The following ASH2L variants were observed in gnomAD, a reference collection of about 807,000 sequenced individuals.
ASH2L encodes the protein ASH2 like, histone lysine methyltransferase complex subunit, also known as set1/Ash2 histone methyltransferase complex subunit ASH2.
A neutral mutation model predicts 81.1 loss-of-function variants in ASH2L; 30 were observed. That is an observed-to-expected ratio of 0.37 (90% CI 0.28 to 0.50). The LOEUF is 0.50. Ranked by LOEUF, ASH2L falls within the 20% of genes least tolerant of loss-of-function variation. The pLI, the probability that ASH2L is intolerant of heterozygous loss-of-function variation, is 0.95. For missense variants in ASH2L, 559 were observed against 792.1 expected (o/e 0.71, Z 3.53); for synonymous variants, 273 against 279.9 (o/e 0.98, Z 0.24).
At chr8:38,116,072 G>T (rs997862714) in intron 7 of ASH2L, among the ~76,000 whole-genome samples, 4 of 151,736 alleles carry the variant, frequency 2.6e-5, no homozygotes, top group African/African-American at 9.7e-5. Flanking sequence ...AGTGAAAATA[G>T]AAAAATTAGG....
chr8:38,132,750 G>T (rs1283969375), intron 12 of ASH2L, among the ~76,000 whole-genome samples: 1 of 150,410 alleles, frequency 6.6e-6, no homozygotes. Flanking sequence ...AGTGAGCCAA[G>T]ATCACACCAC....
chr8:38,138,758 C>T, intron 14 of ASH2L, 58 bp from the exon 15 acceptor site: 2 of 1,516,346 alleles, frequency 1.3e-6, no homozygotes, highest in African/African-American at 2.7e-5. Flanking sequence ...GTCAAATTAA[C>T]TTTTCCAATA....
chr8:38,108,470 A>G (rs902050681), intron 3 of ASH2L, among the ~76,000 whole-genome samples: 1 of 152,136 alleles, frequency 6.6e-6, no homozygotes, highest in African/African-American at 2.4e-5. Context: ...ACTGAATTTC[A>G]AAAGTTATAT....
intron 3 of ASH2L, 29 bp from the exon 4 acceptor site, chr8:38,110,350 C>G: frequency 6.5e-7 from 1 of 1,540,848 alleles, no homozygotes; most frequent in Non-Finnish European, 9.0e-7. Flanking sequence ...CACAAGTTCA[C>G]TAATTCGTAT....
intron 3 of ASH2L, among the ~76,000 whole-genome samples, chr8:38,108,846 G>A (rs534265835): frequency 6.6e-6 from 1 of 152,200 alleles, no homozygotes; most frequent in African/African-American, 2.4e-5. Context: ...TTAGGAGGCC[G>A]AGACAGGAGA....
intron 14 of ASH2L, among the ~76,000 whole-genome samples, chr8:38,136,595 C>T (rs1011110180): frequency 2.0e-5 from 3 of 146,390 alleles, no homozygotes; most frequent in African/African-American, 5.1e-5. Context: ...GCCAACATGG[C>T]GAAACCCCGT....
intron 12 of ASH2L, among the ~76,000 whole-genome samples, 163 bp downstream of exon 12, chr8:38,129,114 A>G (rs1056829257): frequency 1.3e-5 from 2 of 152,176 alleles, no homozygotes; most frequent in African/African-American, 4.8e-5. Context: ...CGGTGCACAA[A>G]TAGTCATCCA....
At chr8:38,106,970 G>A (rs199633161) in intron 2 of ASH2L, 51 bp from the exon 3 acceptor site, 2 of 1,606,590 alleles carry the variant, frequency 1.2e-6, no homozygotes, top group Admixed American at 3.4e-5. Flanking sequence ...ATAAAATAAA[G>A]TAAAATACAT....
chr8:38,113,641 G>A (rs902735649), intron 5 of ASH2L, among the ~76,000 whole-genome samples: 4 of 152,184 alleles, frequency 2.6e-5, no homozygotes, highest in African/African-American at 4.8e-5. Flanking sequence ...AATTTATTTG[G>A]TGAGCATTTA....
intron 12 of ASH2L, among the ~76,000 whole-genome samples, chr8:38,130,833 G>A (rs1033307923): frequency 2.0e-5 from 3 of 152,076 alleles, no homozygotes; most frequent in Non-Finnish European, 4.4e-5. Flanking sequence ...TCCCGCCTCG[G>A]CCTCCCAAAG....
At chr8:38,106,315 G>A in intron 1 of ASH2L, 63 bp from the exon 2 acceptor site, 2 of 1,510,018 alleles carry the variant, frequency 1.3e-6, no homozygotes, top group Admixed American at 3.4e-5. Context: ...CATCATTTTT[G>A]GGAATAGGCA....
At chr8:38,132,127 G>C (rs1001749158) in intron 12 of ASH2L, among the ~76,000 whole-genome samples, 5 of 152,078 alleles carry the variant, frequency 3.3e-5, no homozygotes, top group African/African-American at 1.2e-4. Flanking sequence ...GATTACAAGC[G>C]TGAGCCACTG....
intron 8 of ASH2L, chr8:38,117,918 G>A (rs1352666508): frequency 6.6e-6 from 1 of 152,132 alleles, no homozygotes; most frequent in South Asian, 2.1e-4. Context: ...AATTAGCCAA[G>A]TGTGGTGGCA....
intron 9 of ASH2L, among the ~76,000 whole-genome samples, chr8:38,119,730 G>C (rs1343014103): frequency 2.0e-5 from 3 of 150,716 alleles, no homozygotes; most frequent in African/African-American, 7.3e-5. Flanking sequence ...GCTTGAACCT[G>C]GGAGGCGGGT....
At chr8:38,114,842 T>G in intron 6 of ASH2L, 63 bp from the exon 7 acceptor site, 1 of 1,085,320 alleles carries the variant, frequency 9.2e-7, no homozygotes, top group Non-Finnish European at 1.4e-6. Flanking sequence ...TAGTGGTTGA[T>G]TATTAATTCC....
chr8:38,133,087 C>CAAAAAAAAAAAAAAAA (rs1362506644), intron 12 of ASH2L, among the ~76,000 whole-genome samples: 1 of 113,464 alleles, frequency 8.8e-6, no homozygotes, highest in Non-Finnish European at 1.9e-5. Flanking sequence ...AACTCCGTCT[C>CAAAAAAAAAAAAAAAA]AAAAAAAAAA....
intron 5 of ASH2L, among the ~76,000 whole-genome samples, chr8:38,113,688 C>T (rs966162031): frequency 1.3e-5 from 2 of 152,198 alleles, no homozygotes; most frequent in Non-Finnish European, 2.9e-5. Flanking sequence ...AAGGACAACT[C>T]TTAATGTGTC....
chr8:38,105,934 C>T, intron 1 of ASH2L, 196 bp downstream of exon 1: 1 of 1,493,166 alleles, frequency 6.7e-7, no homozygotes, highest in South Asian at 1.3e-5. Flanking sequence ...CTTTCACGGG[C>T]GGTGGGAGCT....
At chr8:38,108,479 A>G (rs1219428952) in intron 3 of ASH2L, among the ~76,000 whole-genome samples, 1 of 151,554 alleles carries the variant, frequency 6.6e-6, no homozygotes, top group Non-Finnish European at 1.5e-5. Context: ...CAAAAGTTAT[A>G]TCTAAAGTCC....
Sources: allele counts gnomAD v4.1 joint callset (sites outside exome capture counted in the v4.1 genomes callset), GRCh38; gene constraint gnomAD v4.1.1; transcripts MANE v1.5; gene names NCBI Gene and HGNC (gene_info 2026-07-23, HGNC 2026-07-21).